RNF111: variants seen among roughly 807,000 people sequenced by gnomAD.
RNF111 encodes the protein E3 ubiquitin-protein ligase Arkadia.
Under a neutral mutation model 95.1 loss-of-function variants are expected in RNF111, and 17 were observed. The ratio of observed to expected loss-of-function variants is 0.18; its 90% CI spans 0.12 to 0.27. The LOEUF is 0.27. Among genes scored for constraint, RNF111 ranks in the 10% least tolerant of loss-of-function variants. The probability of loss-of-function intolerance (pLI) is 1.00; values close to 1 mark genes in which losing one functional copy is unlikely to be tolerated. For missense variants in RNF111, 1,189 were observed against 1,210.4 expected, an observed-to-expected ratio of 0.98 and a Z score of 0.26; for synonymous variants, 440 against 414.8, an observed-to-expected ratio of 1.06 and a Z score of -0.74.
At chr15:59,001,907 G>A (rs1340024782) in intron 1 of RNF111, among the ~76,000 whole-genome samples, 1 of 152,120 alleles carries the variant, frequency 6.6e-6, no homozygotes, top group East Asian at 1.9e-4. Context: ...GGCAGAGTAA[G>A]ACATTAATAG....
At chr15:59,028,397 C>T (rs1435862964) in intron 1 of RNF111, among the ~76,000 whole-genome samples, 3 of 151,878 alleles carry the variant, frequency 2.0e-5, no homozygotes, top group African/African-American at 7.3e-5. Flanking sequence ...TTTTCATATA[C>T]CTACATGCCT....
intron 3 of RNF111, 139 bp from the exon 4 acceptor site, chr15:59,055,543 A>G (rs2042168241): frequency 2.9e-6 from 2 of 681,986 alleles, no homozygotes; most frequent in African/African-American, 3.6e-5. Flanking sequence ...AGTGCCAGTC[A>G]TGATTTTTAA....
intron 4 of RNF111, 71 bp downstream of exon 4, chr15:59,055,916 A>G: frequency 8.0e-7 from 1 of 1,249,720 alleles, no homozygotes; most frequent in Non-Finnish European, 1.1e-6. Flanking sequence ...AATATGCTAG[A>G]AACTCCTCCT....
At chr15:59,041,061 A>G (rs2041424504) in intron 2 of RNF111, among the ~76,000 whole-genome samples, 1 of 152,036 alleles carries the variant, frequency 6.6e-6, no homozygotes, top group African/African-American at 2.4e-5. Context: ...TTTTCACTTA[A>G]TATATACTAT....
At chr15:59,027,059 G>C (rs1237604593) in intron 1 of RNF111, among the ~76,000 whole-genome samples, 1 of 152,166 alleles carries the variant, frequency 6.6e-6, no homozygotes, top group Non-Finnish European at 1.5e-5. Context: ...AGTTAATTGT[G>C]CTGTGAATTG....
intron 7 of RNF111, among the ~76,000 whole-genome samples, chr15:59,078,521 C>T (rs1332866165): frequency 6.8e-6 from 1 of 147,520 alleles, no homozygotes; most frequent in South Asian, 2.1e-4. Context: ...CCTTGTACTC[C>T]TGCCTGGACA....
intron 2 of RNF111, among the ~76,000 whole-genome samples, chr15:59,035,380 A>C (rs1215343009): frequency 6.6e-6 from 1 of 152,170 alleles, no homozygotes; most frequent in Non-Finnish European, 1.5e-5. Flanking sequence ...AAAAGTCCAC[A>C]GTCCAAAGTC....
intron 1 of RNF111, among the ~76,000 whole-genome samples, chr15:59,012,807 C>T (rs1458295783): frequency 6.6e-6 from 1 of 150,936 alleles, no homozygotes; most frequent in African/African-American, 2.4e-5. Flanking sequence ...GGCACAATCT[C>T]AGCTCACTGT....
chr15:59,022,116 G>A (rs1383953317), intron 1 of RNF111, among the ~76,000 whole-genome samples: 7 of 151,920 alleles, frequency 4.6e-5, no homozygotes, highest in East Asian at 1.9e-4. Context: ...CGCCTTGGCC[G>A]CCCAAAGTGC....
At chr15:59,081,738 A>G (rs1416497349) in intron 8 of RNF111, among the ~76,000 whole-genome samples, 2 of 151,502 alleles carry the variant, frequency 1.3e-5, no homozygotes, top group South Asian at 2.1e-4. Flanking sequence ...AGTAGAAAAC[A>G]AAAGATAGGT....
At chr15:59,072,700 C>T (rs1255389615) in intron 6 of RNF111, among the ~76,000 whole-genome samples, 1 of 151,948 alleles carries the variant, frequency 6.6e-6, no homozygotes, top group African/African-American at 2.4e-5. Flanking sequence ...GATCTGCCTG[C>T]CTCAGCCTCC....
chr15:59,084,673 C>T (rs2078846605), intron 9 of RNF111, among the ~76,000 whole-genome samples: 1 of 152,048 alleles, frequency 6.6e-6, no homozygotes, highest in Non-Finnish European at 1.5e-5. Flanking sequence ...CGTTATTCTT[C>T]ACTGTAGTCA....
chr15:59,007,429 T>C (rs2039591905), intron 1 of RNF111, among the ~76,000 whole-genome samples: 2 of 152,244 alleles, frequency 1.3e-5, no homozygotes, highest in African/African-American at 4.8e-5. Context: ...TGTTGCTGTT[T>C]GGTATCCCGT....
intron 12 of RNF111, 27 bp from the exon 13 acceptor site, chr15:59,092,510 A>T (rs2079081421): frequency 6.2e-7 from 1 of 1,600,668 alleles, no homozygotes; most frequent in Non-Finnish European, 8.5e-7. Context: ...CTCTACTAAT[A>T]AGGTAACAAC....
intron 2 of RNF111, 21 bp from the exon 3 acceptor site, chr15:59,052,284 G>T: frequency 1.3e-6 from 2 of 1,544,968 alleles, no homozygotes; most frequent in Non-Finnish European, 1.7e-6. Flanking sequence ...GCCTTTAAAT[G>T]TTTTTTCTTT....
At chr15:59,093,726 A>G (rs1049075178) in intron 13 of RNF111, among the ~76,000 whole-genome samples, 12 of 152,128 alleles carry the variant, frequency 7.9e-5, no homozygotes, top group African/African-American at 2.4e-4. Context: ...TATATCATAT[A>G]TAACAGAACC....
rs370856847 is a variant in RNF111 at position 59,012,055 on chromosome 15, C to T, written c.-19-18749C>T. Among the ~76,000 whole-genome samples, 5 of 126,094 alleles carry T rather than the reference C, an allele frequency of 4.0e-5. No homozygotes were observed. In the East Asian group the frequency reaches 1.2e-3, roughly 31 times the overall value. 82.7% of individuals were successfully genotyped at this position (126,094 alleles called of 152,430 possible). ...TTTGAGATGGAGTCTCGCTCTGTCA[C>T]CCAGGCGGGAATGCAGTGAGTGGTG... On this transcript the variant is annotated intron_variant, in intron 1 of 13. Transcript: ENST00000348370.
intron 1 of RNF111, among the ~76,000 whole-genome samples, chr15:59,005,704 G>T (rs2039511464): frequency 6.6e-6 from 1 of 152,126 alleles, no homozygotes; most frequent in Admixed American, 6.6e-5. Context: ...TATATGTGGT[G>T]ATCGTGGGTA....
chr15:58,994,945 C>T (rs1251109688), intron 1 of RNF111, among the ~76,000 whole-genome samples: 2 of 152,176 alleles, frequency 1.3e-5, no homozygotes, highest in African/African-American at 4.8e-5. Context: ...AGCTCATTTT[C>T]CAGTTTTGTC....
Sources: allele counts gnomAD v4.1 joint callset (sites outside exome capture counted in the v4.1 genomes callset), GRCh38; gene constraint gnomAD v4.1.1; transcripts MANE v1.5; gene names NCBI Gene and HGNC (gene_info 2026-07-23, HGNC 2026-07-21).